FRAS1: variants seen among roughly 807,000 people sequenced by gnomAD.
The protein encoded by FRAS1 is extracellular matrix organizing protein FRAS1.
Under a neutral mutation model 435.2 loss-of-function variants are expected in FRAS1, and 290 were observed. That is an observed-to-expected ratio of 0.67 (90% CI 0.61 to 0.73). FRAS1 has a LOEUF of 0.73. Ranked by LOEUF, FRAS1 falls within the 30% of genes least tolerant of loss-of-function variation. The pLI is 0.00. For missense variants in FRAS1, 4,860 were observed against 5,001.5 expected (o/e 0.97, Z 0.85); for synonymous variants, 1,800 against 1,851.0 (o/e 0.97, Z 0.71).
At chr4:78,090,217 T>TTTATGTGTACA (rs1360615007) in intron 2 of FRAS1, among the ~76,000 whole-genome samples, 1 of 152,178 alleles carries the variant, frequency 6.6e-6, no homozygotes, top group Non-Finnish European at 1.5e-5. Flanking sequence ...AAATGGTACA[T>TTTATGTGTACA]TTATGACCAT....
intron 70 of FRAS1, among the ~76,000 whole-genome samples, chr4:78,532,188 T>C (rs1046335571): frequency 7.2e-5 from 11 of 152,234 alleles, no homozygotes; most frequent in Middle Eastern, 3.2e-3. Flanking sequence ...TCTCCCTCAC[T>C]GTTCTCCAGC....
intron 2 of FRAS1, among the ~76,000 whole-genome samples, chr4:78,169,024 G>C (rs113352712): frequency 1.3e-5 from 2 of 152,068 alleles, no homozygotes; most frequent in African/African-American, 4.8e-5. Context: ...ATTGTGATCC[G>C]GGCTGGGATT....
intron 2 of FRAS1, among the ~76,000 whole-genome samples, chr4:78,154,475 A>G (rs992821047): frequency 6.6e-6 from 1 of 152,190 alleles, no homozygotes; most frequent in Non-Finnish European, 1.5e-5. Context: ...AGGAACTGTC[A>G]TATACCCACC....
intron 29 of FRAS1, among the ~76,000 whole-genome samples, chr4:78,395,454 G>A (rs1578296548): frequency 6.6e-6 from 1 of 151,776 alleles, no homozygotes; most frequent in Non-Finnish European, 1.5e-5. Context: ...GTTAAAAGTG[G>A]GGTATTGAAG....
chr4:78,194,592 G>A (rs1272971859), intron 2 of FRAS1, among the ~76,000 whole-genome samples: 3 of 152,208 alleles, frequency 2.0e-5, no homozygotes, highest in South Asian at 2.1e-4. Context: ...CATTCATCAC[G>A]TATTTCTTGT....
intron 47 of FRAS1, among the ~76,000 whole-genome samples, chr4:78,462,980 A>G (rs1719416421): frequency 6.6e-6 from 1 of 152,230 alleles, no homozygotes; most frequent in South Asian, 2.1e-4. Context: ...TTGTAGGTTA[A>G]CAATGACAAA....
At chr4:78,426,638 T>C (rs1029003633) in intron 35 of FRAS1, among the ~76,000 whole-genome samples, 2 of 152,196 alleles carry the variant, frequency 1.3e-5, no homozygotes, top group African/African-American at 4.8e-5. Flanking sequence ...TGACTGACTT[T>C]AGGACAAATG....
intron 14 of FRAS1, among the ~76,000 whole-genome samples, chr4:78,305,657 C>A (rs1158215441): frequency 6.7e-6 from 1 of 149,514 alleles, no homozygotes; most frequent in African/African-American, 2.5e-5. Context: ...GGTTTAAAGT[C>A]TGTTTTGTCA....
At chr4:78,219,455 A>G (rs1167451969) in intron 2 of FRAS1, among the ~76,000 whole-genome samples, 1 of 152,230 alleles carries the variant, frequency 6.6e-6, no homozygotes, top group African/African-American at 2.4e-5. Context: ...TCTTTTAGAC[A>G]TAGCAACAAT....
intron 2 of FRAS1, among the ~76,000 whole-genome samples, chr4:78,168,828 A>G (rs1395566158): frequency 1.3e-5 from 2 of 152,104 alleles, no homozygotes; most frequent in African/African-American, 2.4e-5. Context: ...GAGGCTAGGC[A>G]GGTGCTAAAA....
At chr4:78,073,936 C>T (rs980165452) in intron 2 of FRAS1, among the ~76,000 whole-genome samples, 1 of 152,070 alleles carries the variant, frequency 6.6e-6, no homozygotes, top group Admixed American at 6.6e-5. Context: ...TCTGGTGTCC[C>T]AGCTAAGTTC....
intron 38 of FRAS1, among the ~76,000 whole-genome samples, chr4:78,437,144 A>C (rs369042666): frequency 6.6e-6 from 1 of 152,186 alleles, no homozygotes; most frequent in South Asian, 2.1e-4. Flanking sequence ...CAAACCTAGC[A>C]GTTATATGAG....
chr4:78,131,477 C>A (rs888366437), intron 2 of FRAS1, among the ~76,000 whole-genome samples: 1 of 152,170 alleles, frequency 6.6e-6, no homozygotes, highest in Non-Finnish European at 1.5e-5. Flanking sequence ...AATGTGTTTG[C>A]TTCTTTATGA....
chr4:78,425,684 C>G (rs896376725), intron 35 of FRAS1, among the ~76,000 whole-genome samples: 1 of 152,084 alleles, frequency 6.6e-6, no homozygotes, highest in Non-Finnish European at 1.5e-5. Flanking sequence ...AGTCATAGGC[C>G]TCTACATAAT....
chr4:78,357,525 T>A (rs1730901649), intron 20 of FRAS1, among the ~76,000 whole-genome samples: 2 of 152,022 alleles, frequency 1.3e-5, no homozygotes, highest in African/African-American at 4.8e-5. Context: ...AGTTTGAAGG[T>A]TTTTTAGGTT....
At chr4:78,301,488 GAC>G (rs1020692935) in intron 14 of FRAS1, among the ~76,000 whole-genome samples, 5 of 152,010 alleles carry the variant, frequency 3.3e-5, no homozygotes, top group Non-Finnish European at 5.9e-5. Flanking sequence ...GAGTTCTTAA[GAC>G]ACATGTGTAG....
intron 3 of FRAS1, among the ~76,000 whole-genome samples, chr4:78,241,004 T>G (rs1431844520): frequency 6.6e-6 from 1 of 152,104 alleles, no homozygotes; most frequent in Non-Finnish European, 1.5e-5. Flanking sequence ...TCTGGCAGCA[T>G]GTAGGCCACC....
chr4:78,288,866 C>T (rs1727747160), intron 14 of FRAS1, among the ~76,000 whole-genome samples: 1 of 152,178 alleles, frequency 6.6e-6, no homozygotes, highest in Non-Finnish European at 1.5e-5. Context: ...TCACCACTGA[C>T]CTTGGAAGTC....
Position 78,499,804 on chromosome 4 carries a change from GT to G in FRAS1, c.9200del (p.Val3067GlyfsTer35). On this transcript the variant is annotated frameshift_variant, in exon 61 of 74. Transcript: ENST00000512123. LOFTEE classifies it high-confidence loss of function. Reference sequence around the variant, plus strand: ...TGCCATTGCGATTCTGAACATCAAGGTGATCCGCAGAGGGGATCAGAACAGG... The same window carrying G: ...TGCCATTGCGATTCTGAACATCAAGGGATCCGCAGAGGGGATCAGAACAGG... ...PDAIAILNIK[V>X]IRRGDQNRTS... 1 of 1,613,914 alleles carries G rather than the reference GT, an allele frequency of 6.2e-7. No homozygotes were observed. The highest frequency in any genetic ancestry group is 8.5e-7 in the Non-Finnish European group (1 of 1,179,820).
Sources: gnomAD v4.1 joint callset for allele counts (sites outside exome capture counted in the v4.1 genomes callset) on GRCh38, gnomAD v4.1.1 for gene constraint, MANE v1.5 for transcripts, NCBI Gene and HGNC (gene_info 2026-07-23, HGNC 2026-07-21) for gene names.